The following PNPLA6 variants were observed in gnomAD, a reference collection of about 807,000 sequenced individuals.
The protein encoded by PNPLA6 is patatin like domain 6, lysophospholipase, also known as patatin-like phospholipase domain-containing protein 6.
In PNPLA6, 105 loss-of-function variants were observed where a neutral mutation model predicts 153.7. The ratio of observed to expected loss-of-function variants is 0.68; its 90% CI spans 0.58 to 0.80. The LOEUF (loss-of-function observed/expected upper bound fraction) is 0.80, where lower values mean the gene tolerates loss of function less well. Among genes scored for constraint, PNPLA6 ranks in the 30% least tolerant of loss-of-function variants. The probability of loss-of-function intolerance (pLI) is 0.00; values close to 1 mark genes in which losing one functional copy is unlikely to be tolerated. For synonymous variants in PNPLA6, 825 were observed against 822.2 expected, an observed-to-expected ratio of 1.00 and a Z score of -0.06; for missense variants, 1,423 against 1,919.3, an observed-to-expected ratio of 0.74 and a Z score of 4.83.
At chr19:7,534,347 C>A (rs1012792261), upstream of PNPLA6, 2 of 193,928 alleles carry the variant, frequency 1.0e-5, no homozygotes, top group Admixed American at 5.3e-5. Flanking sequence ...TCTAGACTTT[C>A]TGATGTTCCC....
At position 7,557,480 on chromosome 19, in the gene PNPLA6, G is replaced by A. The variant is rs1364987288; in HGVS notation, c.3397+196G>A. ...TGAATGTGCCTGTGGACAGCGACAT[G>A]TGCAGTTGAGATCTACATTCTGGCC... On this transcript the variant is annotated intron_variant, in intron 27 of 31. Transcript: ENST00000600737. 7.8e-6 allele frequency: 5 copies of A among 643,780 alleles called. No homozygotes were observed. The African/African-American group carries it at 8.9e-5, about 11-fold the overall frequency. The allele number at this position is 643,780 out of a possible 1,614,324, so 39.9% of individuals were successfully genotyped here. A position where few individuals can be genotyped will look rare whatever the true frequency, so the allele number is the denominator to read the frequency against.
intron 3 of PNPLA6, among the ~76,000 whole-genome samples, 161 bp from the exon 4 acceptor site, chr19:7,539,757 C>CAAAAAA (rs762061101): frequency 2.0e-5 from 1 of 50,888 alleles, no homozygotes; most frequent in South Asian, 5.9e-4. Context: ...AACTTCGTCT[C>CAAAAAA]AAAAAAAAAA....
At chr19:7,558,557 G>A (rs1028548432) in intron 27 of PNPLA6, among the ~76,000 whole-genome samples, 1 of 152,160 alleles carries the variant, frequency 6.6e-6, no homozygotes, top group African/African-American at 2.4e-5. Context: ...GCTTGAACCC[G>A]GGAGGTGGAG....
intron 13 of PNPLA6, among the ~76,000 whole-genome samples, chr19:7,543,711 G>A (rs1447158319): frequency 6.6e-6 from 1 of 152,194 alleles, no homozygotes; most frequent in Non-Finnish European, 1.5e-5. Context: ...TCCCCAGAGT[G>A]TGGCAGATGA....
intron 27 of PNPLA6, 21 bp from the exon 28 acceptor site, chr19:7,558,829 C>G: frequency 6.3e-7 from 1 of 1,595,412 alleles, no homozygotes; most frequent in Non-Finnish European, 8.5e-7. Context: ...GAGCAGCCCG[C>G]TGACCCCCCT....
chr19:7,560,596 G>A, intron 28 of PNPLA6, 52 bp from the exon 29 acceptor site: 2 of 1,238,608 alleles, frequency 1.6e-6, no homozygotes, highest in Non-Finnish European at 2.4e-6. Flanking sequence ...GACAGAGTGG[G>A]GACAAGCAAA....
At position 7,558,913 on chromosome 19, in the gene PNPLA6, A is replaced by G. The variant is rs1176067979; in HGVS notation, c.3461A>G (p.Glu1154Gly). ...VIAIDVGSQDETDLSTYGDSL... is the reference protein window; with the variant it reads ...VIAIDVGSQDGTDLSTYGDSL... ...GCCATTGACGTGGGGAGCCAGGATG[A>G]GACGGACCTCAGCACCTACGGGGAC... Residue 1154 changes from glutamate (E) to glycine (G), a missense_variant, in exon 28 of 32, where the codon GAG becomes GGG. Physicochemically the swap from Glu to Gly is moderately conservative, Grantham distance 98. Transcript: ENST00000600737. 6.2e-7 allele frequency: 1 copy of G among 1,614,090 alleles called. No individual in the cohort carries two copies. The highest frequency in any genetic ancestry group is 8.5e-7 in the Non-Finnish European group (1 of 1,180,020).
At position 7,560,754 on chromosome 19, in the gene PNPLA6, G is replaced by A. The variant is rs140155524; in HGVS notation, c.3806G>A (p.Arg1269His). Residue 1269 changes from arginine to histidine, a missense_variant, in exon 29 of 32, where the codon CGC (arginine) becomes CAC (histidine). Arg to His is a conservative substitution (Grantham distance 29). This residue lies in a region of PNPLA6 where 643 missense variants were observed against 835.2 expected (regional missense o/e 0.77). Transcript: ENST00000600737. ...CGGTCTACAGACCTTAATGAGAGCCGCCGTGCAGACGTAAGCCTGTGATGC... is the reference window on the plus strand; with the variant it reads ...CGGTCTACAGACCTTAATGAGAGCCACCGTGCAGACGTAAGCCTGTGATGC... ...DRRSTDLNES[R>H]RADVLAFPSS... is the part of the protein sequence containing the mutation. 5.6e-6 allele frequency: 9 copies of A among 1,603,052 alleles called. No homozygotes were observed. The highest frequency in any genetic ancestry group is 1.6e-4 in the Middle Eastern group (1 of 6,070).
chr19:7,554,184 G>T (rs1599302270), intron 19 of PNPLA6, 25 bp from the exon 20 acceptor site: 1 of 1,611,300 alleles, frequency 6.2e-7, no homozygotes, highest in South Asian at 1.1e-5. Context: ...ATGGTTCCCA[G>T]CCTCCCTTCC....
At chr19:7,556,423 A>G (rs1428866385) in intron 24 of PNPLA6, 30 bp from the exon 25 acceptor site, 4 of 1,382,414 alleles carry the variant, frequency 2.9e-6, no homozygotes, top group Admixed American at 1.7e-5. Context: ...TGTAACTCCT[A>G]TTTGACCCTG....
In PNPLA6 at chr19:7,555,835, C is replaced by T; in HGVS notation, c.3093+72C>T. The T allele has an allele frequency of 1.3e-6, 2 of 1,523,630 alleles. No homozygotes were observed. Among genetic ancestry groups the T allele is most frequent in the Non-Finnish European group, 1.8e-6 (2 of 1,107,648 alleles). 94.4% of individuals were successfully genotyped at this position (1,523,630 alleles called of 1,614,324 possible). A position where few individuals can be genotyped will look rare whatever the true frequency, so the allele number is the denominator to read the frequency against. ...ACCCGTGGTTCCAACCTAACCTGATCCCATGGGGGAGCCTCCGGGGTCAGG... is the reference window on the plus strand; with the variant it reads ...ACCCGTGGTTCCAACCTAACCTGATTCCATGGGGGAGCCTCCGGGGTCAGG... On this transcript the variant is annotated intron_variant, in intron 24 of 31. Coordinates refer to ENST00000600737, the MANE Select transcript of PNPLA6 (RefSeq NM_001166114.2). This position sits in a 1 kb window ranked among gnomAD's most constrained non-coding sequence, Gnocchi z 6.3.
At position 7,558,962 on chromosome 19, in the gene PNPLA6, G is replaced by A. The variant is rs762829297; in HGVS notation, c.3510G>A (p.Leu1170=). Residue 1170 remains leucine, a synonymous_variant, in exon 28 of 32, where the codon CTG becomes CTA. Coordinates refer to ENST00000600737, the MANE Select transcript of PNPLA6 (RefSeq NM_001166114.2). ...ACAGCCTGTCCGGCTGGTGGCTGCT[G>A]TGGAAGCGGCTGAATCCCTGGGCTG... is the stretch of plus-strand genomic sequence containing the variant. ...YGDSLSGWWL[L]WKRLNPWADK... The A allele has an allele frequency of 5.6e-6, 9 of 1,614,228 alleles. No homozygotes were observed. In the South Asian group the frequency reaches 9.9e-5, roughly 18 times the overall value.
At chr19:7,543,843 C>T (rs547494176) in intron 13 of PNPLA6, among the ~76,000 whole-genome samples, 39 of 150,862 alleles carry the variant, frequency 2.6e-4, no homozygotes, top group African/African-American at 9.0e-4. Flanking sequence ...CGGAGTCTCG[C>T]TCTGTCACCC....
chr19:7,541,763 G>A lies in PNPLA6; in HGVS notation c.1168+79G>A. The A allele has an allele frequency of 3.4e-6, 5 of 1,466,546 alleles. No homozygotes were observed. The highest frequency in any genetic ancestry group is 4.9e-5 in the East Asian group (2 of 40,632). The allele number at this position is 1,466,546 out of a possible 1,614,324, so 90.8% of individuals were successfully genotyped here. ...AGCCGCCAGCCCCTTTTTCAGTTCT[G>A]CATAGAGTCAACCTGACCTTGTCCA... On this transcript the variant is annotated intron_variant, in intron 9 of 31. Transcript: ENST00000600737. The surrounding 1 kb of genome is among the most constrained non-coding windows in gnomAD (Gnocchi z 5.2).
intron 13 of PNPLA6, among the ~76,000 whole-genome samples, chr19:7,544,265 C>G (rs1433223961): frequency 1.3e-5 from 2 of 152,168 alleles, no homozygotes; most frequent in Non-Finnish European, 2.9e-5. Flanking sequence ...GGTTGTGCCA[C>G]CACGCCTGGC....
In PNPLA6 at chr19:7,540,221, G is replaced by A; in HGVS notation, c.627G>A (p.Gln209=). The change falls in exon 5 of 32, where the codon CAG becomes CAA. Residue 209 remains glutamine (Q), a synonymous_variant. Transcript: ENST00000600737. The surrounding 1 kb of genome is among the most constrained non-coding windows in gnomAD (Gnocchi z 6.8). ...CRHMVFQRLG[Q]GDYVFRPGQP... is the part of the protein sequence containing the mutation. ...ACATGGTCTTCCAGCGGCTGGGCCA[G>A]GGTGACTACGTCTTCCGGCCGGGCC... 1.2e-6 allele frequency: 2 copies of A among 1,610,060 alleles called. No individual in the cohort carries two copies. The highest frequency in any genetic ancestry group is 1.7e-6 in the Non-Finnish European group (2 of 1,180,002).
In PNPLA6 at chr19:7,554,721, C is replaced by G. The variant is rs369420098; in HGVS notation, c.2632C>G (p.Gln878Glu). The change falls in exon 21 of 32, where the codon CAG (glutamine) becomes GAG (glutamate). Residue 878 changes from glutamine (Q) to glutamate (E), a missense_variant and splice_region_variant. Gln to Glu is a conservative substitution (Grantham distance 29). Around this residue, in one of 10 missense-constraint regions of PNPLA6, gnomAD observed 643 missense variants for 835.2 expected, o/e 0.77. Transcript: ENST00000600737. ...GLGDQEPTLG[Q>E]LEQMLENTAV... The stretch of plus-strand genomic sequence containing the variant: ...GGGGGACCAGGAGCCTACCCTCGGC[C>G]AGGTCGGAAGCCCGTGCCCCCTGAT... 1.1e-5 allele frequency: 18 copies of G among 1,612,408 alleles called. No homozygotes were observed. Among genetic ancestry groups the G allele is most frequent in the Non-Finnish European group, 1.5e-5 (18 of 1,179,798 alleles).
At position 7,555,490 on chromosome 19, in the gene PNPLA6, C is replaced by T; in HGVS notation, c.2937-117C>T. 5.8e-6 allele frequency: 8 copies of T among 1,385,720 alleles called. No homozygotes were observed. The highest frequency in any genetic ancestry group is 4.0e-6 in the Non-Finnish European group (4 of 1,005,204). The allele number at this position is 1,385,720 out of a possible 1,614,324, so 85.8% of individuals were successfully genotyped here. On this transcript the variant is annotated intron_variant, in intron 23 of 31. Coordinates refer to ENST00000600737, the MANE Select transcript of PNPLA6 (RefSeq NM_001166114.2). This position sits in a 1 kb window ranked among gnomAD's most constrained non-coding sequence, Gnocchi z 6.3. ...TGGAGCTTCCCCTCCGGGAGAGACC[C>T]CGTGGGTAGGGGCGGGTCCTTTGTT...
At chr19:7,551,152 C>CG (rs752631393) in intron 17 of PNPLA6, 45 bp downstream of exon 17, 125 of 251,378 alleles carry the variant, frequency 5.0e-4, no homozygotes, top group African/African-American at 3.0e-3. Flanking sequence ...GGCGGGACTC[C>CG]GGGGGGGTGG....
Sources: gnomAD v4.1 joint callset for allele counts (sites outside exome capture counted in the v4.1 genomes callset) on GRCh38, gnomAD v4.1.1 for gene constraint, gnomAD v4.1.1 regional missense constraint, Gnocchi (gnomAD v3.1) non-coding constraint, MANE v1.5 for transcripts, NCBI Gene and HGNC (gene_info 2026-07-23, HGNC 2026-07-21) for gene names.